TMEM229B: variants seen among roughly 807,000 people sequenced by gnomAD.
TMEM229B encodes the protein chromosome 14 open reading frame 83.
A neutral mutation model predicts 13.7 loss-of-function variants in TMEM229B; 6 were observed. That is an observed-to-expected ratio of 0.44 (90% CI 0.24 to 0.86). The LOEUF (loss-of-function observed/expected upper bound fraction) is 0.86, where lower values mean the gene tolerates loss of function less well. TMEM229B is among the 40% of genes least tolerant of loss of function. The pLI is 0.23. For missense variants in TMEM229B, 170 were observed against 236.0 expected, an observed-to-expected ratio of 0.72 and a Z score of 1.83; for synonymous variants, 107 against 102.1, an observed-to-expected ratio of 1.05 and a Z score of -0.29.
At chr14:67,482,756 A>C (rs1594685465) in intron 2 of TMEM229B, among the ~76,000 whole-genome samples, 1 of 152,222 alleles carries the variant, frequency 6.6e-6, no homozygotes, top group African/African-American at 2.4e-5. Context: ...AAGCAAGTGG[A>C]GGGAAACTCC....
At chr14:67,516,842 T>C (rs7140470), upstream of TMEM229B, among the ~76,000 whole-genome samples, 60,191 of 151,854 alleles carry the variant, frequency 0.4, 12,934 homozygotes, top group East Asian at 0.48. Context: ...GGGAGTCATG[T>C]TGGGTTCCTC....
intron 1 of TMEM229B, among the ~76,000 whole-genome samples, chr14:67,507,305 T>C (rs1161773936): frequency 3.3e-5 from 5 of 152,056 alleles, no homozygotes; most frequent in African/African-American, 1.2e-4. Context: ...GCTATGATTA[T>C]GCCACTGCAC....
chr14:67,501,083 A>T (rs2032593264), intron 1 of TMEM229B, among the ~76,000 whole-genome samples: 1 of 148,992 alleles, frequency 6.7e-6, no homozygotes, highest in Non-Finnish European at 1.5e-5. Context: ...AATAATAATA[A>T]TAAAGAAAAT....
chr14:67,510,263 A>G (rs760894574), intron 1 of TMEM229B, among the ~76,000 whole-genome samples: 8 of 152,244 alleles, frequency 5.3e-5, no homozygotes, highest in East Asian at 1.9e-4. Context: ...CTGAAGCTCT[A>G]TTTGTGGAAT....
chr14:67,530,744 T>C (rs2033431373), intron 1 of TMEM229B, among the ~76,000 whole-genome samples: 1 of 152,256 alleles, frequency 6.6e-6, no homozygotes, highest in Admixed American at 6.5e-5. Flanking sequence ...CTTGCATGAA[T>C]GGAGTGTGAG....
At chr14:67,516,916 AGTTT>A (rs2033213322), upstream of TMEM229B, among the ~76,000 whole-genome samples, 1 of 152,150 alleles carries the variant, frequency 6.6e-6, no homozygotes, top group Admixed American at 6.5e-5. Context: ...CTTCCCCCTG[AGTTT>A]GTTTCCTTTT....
At chr14:67,479,275 G>A (rs186628735) in intron 2 of TMEM229B, among the ~76,000 whole-genome samples, 221 of 150,492 alleles carry the variant, frequency 1.5e-3, no homozygotes, top group African/African-American at 4.9e-3. Context: ...GCGTGGTGGC[G>A]TGTGCCTGTA....
intron 1 of TMEM229B, among the ~76,000 whole-genome samples, chr14:67,495,684 G>GTGT (rs1035661034): frequency 1.3e-5 from 2 of 152,082 alleles, no homozygotes; most frequent in African/African-American, 4.8e-5. Context: ...GGGTTTCACT[G>GTGT]TGTTGGCCAG....
chr14:67,504,378 T>C (rs572566503), intron 1 of TMEM229B, among the ~76,000 whole-genome samples: 56 of 152,320 alleles, frequency 3.7e-4, no homozygotes, highest in African/African-American at 1.3e-3. Flanking sequence ...TGAGAAAGCA[T>C]GTTTACTGTA....
intron 2 of TMEM229B, among the ~76,000 whole-genome samples, chr14:67,477,774 A>C (rs1166583349): frequency 1.3e-5 from 2 of 152,236 alleles, no homozygotes; most frequent in Non-Finnish European, 2.9e-5. Flanking sequence ...TCTAAAAAAT[A>C]AATAAATAAA....
intron 2 of TMEM229B, among the ~76,000 whole-genome samples, chr14:67,481,414 G>A (rs1056485696): frequency 6.6e-5 from 10 of 152,292 alleles, no homozygotes; most frequent in Admixed American, 4.6e-4. Context: ...AGCACACCAC[G>A]GCAATGTCAG....
chr14:67,506,505 C>G (rs1479188064), intron 1 of TMEM229B, among the ~76,000 whole-genome samples: 1 of 152,208 alleles, frequency 6.6e-6, no homozygotes, highest in East Asian at 1.9e-4. Context: ...TCTCTCATCC[C>G]CCCAGTAGCA....
intron 1 of TMEM229B, among the ~76,000 whole-genome samples, chr14:67,526,589 TAGTTTAA>T (rs1359715767): frequency 2.0e-5 from 3 of 152,174 alleles, no homozygotes; most frequent in African/African-American, 7.2e-5. Flanking sequence ...AAAATATGCA[TAGTTTAA>T]AGTCTCCACT....
chr14:67,480,969 AG>A (rs766318370), intron 2 of TMEM229B, among the ~76,000 whole-genome samples: 1 of 152,142 alleles, frequency 6.6e-6, no homozygotes, highest in Non-Finnish European at 1.5e-5. Context: ...TGTCAAAGGG[AG>A]AGAGAAACCT....
chr14:67,485,810 C>CTCGAGCTTG (rs2031840565), intron 2 of TMEM229B, among the ~76,000 whole-genome samples: 1 of 152,242 alleles, frequency 6.6e-6, no homozygotes, highest in African/African-American at 2.4e-5. Context: ...CTCACCCTAC[C>CTCGAGCTTG]TCGAGCTTGT....
chr14:67,523,874 A>G (rs1053105866), intron 1 of TMEM229B, among the ~76,000 whole-genome samples: 4 of 151,926 alleles, frequency 2.6e-5, no homozygotes, highest in Admixed American at 2.6e-4. Flanking sequence ...CAGTAATGTC[A>G]GGTATAGAGC....
chr14:67,499,656 G>A (rs990637728), intron 1 of TMEM229B, among the ~76,000 whole-genome samples: 3 of 152,146 alleles, frequency 2.0e-5, no homozygotes, highest in Admixed American at 6.6e-5. Context: ...ATGCTATATC[G>A]TGAGGAAGCA....
At chr14:67,524,304 A>G (rs1198409385) in intron 1 of TMEM229B, among the ~76,000 whole-genome samples, 1 of 152,178 alleles carries the variant, frequency 6.6e-6, no homozygotes, top group African/African-American at 2.4e-5. Flanking sequence ...CACTGGGCCC[A>G]CTGGACCCCA....
chr14:67,517,037 G>GT (rs924589922), upstream of TMEM229B, among the ~76,000 whole-genome samples: 2 of 152,136 alleles, frequency 1.3e-5, no homozygotes, highest in African/African-American at 2.4e-5. Context: ...AGGAAAACTT[G>GT]TTTTTTTGCT....
Sources: gnomAD v4.1 joint callset for allele counts (sites outside exome capture counted in the v4.1 genomes callset) on GRCh38, gnomAD v4.1.1 for gene constraint, MANE v1.5 for transcripts, NCBI Gene and HGNC (gene_info 2026-07-23, HGNC 2026-07-21) for gene names.